Variants in CCDC178 observed in about 807,000 individuals in gnomAD.
The protein encoded by CCDC178 is coiled-coil domain containing 178, also known as coiled-coil domain-containing protein 178.
A neutral mutation model predicts 117.4 loss-of-function variants in CCDC178; 126 were observed. The ratio of observed to expected loss-of-function variants is 1.07; its 90% CI spans 0.93 to 1.24. The LOEUF (loss-of-function observed/expected upper bound fraction) is 1.24, where lower values mean the gene tolerates loss of function less well. Among genes scored for constraint, CCDC178 ranks in the 50% most tolerant of loss-of-function variants. The pLI, the probability that CCDC178 is intolerant of heterozygous loss-of-function variation, is 0.00. For synonymous variants in CCDC178, 283 were observed against 313.4 expected (o/e 0.90, Z 1.02); for missense variants, 1,030 against 986.9 (o/e 1.04, Z -0.59).
intron 20 of CCDC178, among the ~76,000 whole-genome samples, chr18:33,206,731 G>C (rs2059049026): frequency 6.6e-6 from 1 of 152,128 alleles, no homozygotes; most frequent in Non-Finnish European, 1.5e-5. Flanking sequence ...AGTAATATCT[G>C]TTAGGAGCAA....
intron 11 of CCDC178, among the ~76,000 whole-genome samples, chr18:33,318,389 C>T (rs989691968): frequency 1.3e-5 from 2 of 152,108 alleles, no homozygotes; most frequent in Non-Finnish European, 1.5e-5. Flanking sequence ...TTGCATTTCT[C>T]GTAGTTGGTG....
intron 5 of CCDC178, 48 bp downstream of exon 5, chr18:33,389,492 T>C: frequency 3.5e-6 from 3 of 869,146 alleles, no homozygotes; most frequent in Non-Finnish European, 5.0e-6. Flanking sequence ...TGAGATAATA[T>C]AAATATAGTT....
At chr18:33,123,306 A>C (rs898752095) in intron 20 of CCDC178, among the ~76,000 whole-genome samples, 3 of 152,154 alleles carry the variant, frequency 2.0e-5, no homozygotes, top group Admixed American at 1.3e-4. Flanking sequence ...CAGAAAGGTA[A>C]GATGCTTAAG....
chr18:33,203,574 T>G (rs1338078432), intron 20 of CCDC178, among the ~76,000 whole-genome samples: 1 of 152,242 alleles, frequency 6.6e-6, no homozygotes, highest in Non-Finnish European at 1.5e-5. Flanking sequence ...AATAAAGACG[T>G]TATTATTTCC....
At chr18:33,224,976 C>T in intron 16 of CCDC178, 40 bp from the exon 17 acceptor site, 3 of 1,415,468 alleles carry the variant, frequency 2.1e-6, no homozygotes, top group Middle Eastern at 1.9e-4. Flanking sequence ...CAGTTATTAA[C>T]TTAAACATTT....
chr18:33,297,671 C>T (rs1278897270), intron 11 of CCDC178, among the ~76,000 whole-genome samples: 1 of 152,080 alleles, frequency 6.6e-6, no homozygotes, highest in Non-Finnish European at 1.5e-5. Context: ...ATAAGATTGA[C>T]TCAGTTACAA....
At chr18:33,080,319 T>C (rs751015408) in intron 21 of CCDC178, among the ~76,000 whole-genome samples, 1 of 152,270 alleles carries the variant, frequency 6.6e-6, no homozygotes, top group Non-Finnish European at 1.5e-5. Context: ...ATAGGTACTA[T>C]GTTTAGTACC....
At chr18:33,230,488 T>C (rs147211551) in intron 15 of CCDC178, among the ~76,000 whole-genome samples, 390 of 152,236 alleles carry the variant, frequency 2.6e-3, no homozygotes, top group Middle Eastern at 0.02. Context: ...GTCTGTTATA[T>C]AATATTTGCC....
intron 20 of CCDC178, among the ~76,000 whole-genome samples, chr18:33,126,417 AATAT>A (rs997818844): frequency 6.7e-6 from 1 of 148,666 alleles, no homozygotes; most frequent in Non-Finnish European, 1.5e-5. Flanking sequence ...ATTAAATATA[AATAT>A]ATATATAATA....
intron 21 of CCDC178, among the ~76,000 whole-genome samples, chr18:33,072,639 G>A (rs905314454): frequency 2.6e-5 from 4 of 152,062 alleles, no homozygotes; most frequent in African/African-American, 9.7e-5. Context: ...TGTATTGTGT[G>A]TCATCACCAT....
At chr18:33,124,124 A>C (rs1383959103) in intron 20 of CCDC178, among the ~76,000 whole-genome samples, 1 of 152,214 alleles carries the variant, frequency 6.6e-6, no homozygotes, top group Non-Finnish European at 1.5e-5. Flanking sequence ...GTGTAAATGG[A>C]ACAGACTACA....
chr18:33,331,615 AG>A (rs1207331782), intron 10 of CCDC178, among the ~76,000 whole-genome samples: 2 of 152,150 alleles, frequency 1.3e-5, no homozygotes, highest in Non-Finnish European at 2.9e-5. Context: ...ACATCTCATT[AG>A]AAATACAATG....
chr18:33,169,367 T>G (rs931483199), intron 20 of CCDC178, among the ~76,000 whole-genome samples: 4 of 152,058 alleles, frequency 2.6e-5, no homozygotes, highest in Non-Finnish European at 4.4e-5. Context: ...ATAGAAAAAT[T>G]TGGCTGGTTG....
intron 6 of CCDC178, among the ~76,000 whole-genome samples, 179 bp downstream of exon 6, chr18:33,369,871 G>A (rs2063272214): frequency 6.6e-6 from 1 of 151,934 alleles, no homozygotes; most frequent in African/African-American, 2.4e-5. Flanking sequence ...TCACCCTTCT[G>A]GAGTGAGACT....
intron 22 of CCDC178, among the ~76,000 whole-genome samples, chr18:32,964,948 A>T (rs2054781708): frequency 6.6e-6 from 1 of 151,764 alleles, no homozygotes; most frequent in South Asian, 2.1e-4. Flanking sequence ...ACAGAGCGGG[A>T]CTGTATCTTT....
intron 11 of CCDC178, among the ~76,000 whole-genome samples, chr18:33,316,096 C>T (rs369407495): frequency 6.6e-6 from 1 of 152,156 alleles, no homozygotes; most frequent in Non-Finnish European, 1.5e-5. Flanking sequence ...TTGCTCTCAG[C>T]GCCTCCTCAG....
chr18:33,284,668 C>T (rs1480266412), intron 12 of CCDC178, among the ~76,000 whole-genome samples: 3 of 152,118 alleles, frequency 2.0e-5, no homozygotes, highest in African/African-American at 7.2e-5. Flanking sequence ...CCTTTCAAAA[C>T]ATGCCTTAAA....
intron 22 of CCDC178, among the ~76,000 whole-genome samples, chr18:32,938,852 C>T (rs905659655): frequency 3.9e-5 from 6 of 152,068 alleles, no homozygotes; most frequent in African/African-American, 1.2e-4. Flanking sequence ...GATAGGAAAA[C>T]GCAGAGTTCA....
chr18:33,004,056 T>G (rs1183275664), intron 21 of CCDC178, among the ~76,000 whole-genome samples: 2 of 152,116 alleles, frequency 1.3e-5, no homozygotes, highest in Non-Finnish European at 2.9e-5. Flanking sequence ...TATTTCATGT[T>G]CATGGATTGG....
Sources: allele counts gnomAD v4.1 joint callset (sites outside exome capture counted in the v4.1 genomes callset), GRCh38; gene constraint gnomAD v4.1.1; transcripts MANE v1.5; gene names NCBI Gene and HGNC (gene_info 2026-07-23, HGNC 2026-07-21).